The following AFF1 variants were observed in gnomAD, a reference collection of about 807,000 sequenced individuals.
AFF1 encodes the protein AF4/FMR2 family member 1.
Under a neutral mutation model 121.7 loss-of-function variants are expected in AFF1, and 48 were observed. That is an observed-to-expected ratio of 0.39 (90% CI 0.31 to 0.50). AFF1 has a LOEUF of 0.50. Among genes scored for constraint, AFF1 ranks in the 20% least tolerant of loss-of-function variants. AFF1 has a pLI of 0.76. For missense variants in AFF1, 1,523 were observed against 1,511.7 expected (o/e 1.01, Z -0.12); for synonymous variants, 613 against 563.0 (o/e 1.09, Z -1.26).
intron 12 of AFF1, among the ~76,000 whole-genome samples, chr4:87,122,881 T>TA (rs3036188): frequency 0.031 from 2,989 of 96,616 alleles, 79 homozygotes; most frequent in Middle Eastern, 0.058. Context: ...GGAAAATTAG[T>TA]AAAAAAAAAA....
At chr4:86,943,682 G>A (rs924898063) in intron 1 of AFF1, among the ~76,000 whole-genome samples, 7 of 151,814 alleles carry the variant, frequency 4.6e-5, no homozygotes, top group African/African-American at 1.5e-4. Flanking sequence ...AAAATTAGCC[G>A]GGTGCAGTGG....
chr4:87,061,298 A>G (rs915846520), intron 4 of AFF1, among the ~76,000 whole-genome samples: 10 of 152,318 alleles, frequency 6.6e-5, no homozygotes, highest in Admixed American at 6.5e-4. Flanking sequence ...GCCTCATTCC[A>G]TGGCCCCTCC....
rs778627387 is a variant in AFF1 at position 86,948,569 on chromosome 4, C to T, written c.36C>T (p.Asn12=). The T allele has an allele frequency of 6.5e-7, 1 of 1,536,480 alleles. No homozygotes were observed. The highest frequency in any genetic ancestry group is 1.2e-5 in the South Asian group (1 of 84,028). The change falls in exon 2 of 21, where the codon AAC becomes AAT. Residue 12 remains asparagine, a splice_region_variant and synonymous_variant. Transcript: ENST00000395146. ...CAGAAAGAGTCAACAGCAGTGGCAA[C>T]AGGTAAGCATAGAATCTATGATTCA... is the stretch of plus-strand genomic sequence containing the variant. ...AFTERVNSSG[N]SLYNDDRNLL... is the part of the protein sequence containing the mutation.
chr4:87,127,401 G>T (rs1360632896), intron 15 of AFF1, among the ~76,000 whole-genome samples: 1 of 152,112 alleles, frequency 6.6e-6, no homozygotes, highest in South Asian at 2.1e-4. Context: ...GACCTCAAAT[G>T]ATCCGCCTGC....
intron 5 of AFF1, among the ~76,000 whole-genome samples, chr4:87,085,935 C>T (rs562391353): frequency 6.6e-6 from 1 of 152,020 alleles, no homozygotes; most frequent in Non-Finnish European, 1.5e-5. Flanking sequence ...GACGGTGTTT[C>T]ACCATCTTGG....
intron 2 of AFF1, among the ~76,000 whole-genome samples, chr4:87,035,181 G>T (rs186730414): frequency 6.6e-6 from 1 of 152,276 alleles, no homozygotes; most frequent in Admixed American, 6.5e-5. Context: ...CCTGCTCCTT[G>T]TGCTTGAAGG....
At chr4:87,021,902 G>A (rs1292954537) in intron 2 of AFF1, among the ~76,000 whole-genome samples, 2 of 152,144 alleles carry the variant, frequency 1.3e-5, no homozygotes, top group African/African-American at 4.8e-5. Flanking sequence ...ACATCTTTAT[G>A]CTTAGAAATG....
chr4:86,938,725 C>T (rs1421475911), intron 1 of AFF1, among the ~76,000 whole-genome samples: 1 of 152,170 alleles, frequency 6.6e-6, no homozygotes, highest in Non-Finnish European at 1.5e-5. Flanking sequence ...AAATATGTGG[C>T]TCTTTGTAGG....
chr4:87,068,715 A>G (rs1323308722), intron 4 of AFF1, among the ~76,000 whole-genome samples: 1 of 152,166 alleles, frequency 6.6e-6, no homozygotes, highest in Admixed American at 6.5e-5. Context: ...CATTTTTAGG[A>G]GCAGAGCCAG....
intron 2 of AFF1, among the ~76,000 whole-genome samples, chr4:87,043,821 CTTTCT>C (rs1427028725): frequency 1.8e-3 from 188 of 105,602 alleles, no homozygotes; most frequent in Non-Finnish European, 1.6e-3. Flanking sequence ...TTCTTTCTTT[CTTTCT>C]TTTTTTTTTT....
chr4:87,060,737 G>A (rs1191908885), intron 4 of AFF1, among the ~76,000 whole-genome samples: 1 of 151,000 alleles, frequency 6.6e-6, no homozygotes, highest in African/African-American at 2.4e-5. Context: ...TTCTGGGGAG[G>A]CTGAGACAGG....
intron 2 of AFF1, 121 bp downstream of exon 2, chr4:86,948,692 G>T: frequency 1.1e-6 from 1 of 928,446 alleles, no homozygotes; most frequent in Admixed American, 2.7e-5. Flanking sequence ...GCAAGAAAAT[G>T]TTTGAAATTT....
At chr4:87,124,230 CT>C (rs1472929029) in intron 12 of AFF1, among the ~76,000 whole-genome samples, 2 of 152,024 alleles carry the variant, frequency 1.3e-5, no homozygotes, top group Admixed American at 1.3e-4. Flanking sequence ...ATTCTTTTTT[CT>C]TTTTTTTAAC....
intron 8 of AFF1, among the ~76,000 whole-genome samples, chr4:87,099,497 C>G (rs1725205158): frequency 6.6e-6 from 1 of 152,196 alleles, no homozygotes; most frequent in South Asian, 2.1e-4. Context: ...CAACCTCCAC[C>G]TTCTGGGTTC....
chr4:87,042,324 A>G (rs928274360), intron 2 of AFF1, among the ~76,000 whole-genome samples: 1 of 152,248 alleles, frequency 6.6e-6, no homozygotes, highest in African/African-American at 2.4e-5. Context: ...CCAGAAAGCT[A>G]TTTAATGTGA....
chr4:87,002,014 A>C (rs1725763784), intron 2 of AFF1, among the ~76,000 whole-genome samples: 1 of 152,218 alleles, frequency 6.6e-6, no homozygotes, highest in African/African-American at 2.4e-5. Context: ...AGAATTGTTG[A>C]ATGACCATTG....
chr4:87,020,920 G>T (rs1230120113), intron 2 of AFF1: 1 of 807,526 alleles, frequency 1.2e-6, no homozygotes, highest in Non-Finnish European at 1.5e-6. Flanking sequence ...AAAAAGATGT[G>T]TATCTTTTAA....
chr4:86,948,717 A>G (rs1721045264), intron 2 of AFF1, 146 bp downstream of exon 2: 4 of 743,876 alleles, frequency 5.4e-6, no homozygotes, highest in East Asian at 2.8e-5. Flanking sequence ...TTTTCTCTAC[A>G]TGAAGTCAAA....
intron 1 of AFF1, among the ~76,000 whole-genome samples, chr4:86,945,646 A>G (rs1720807807): frequency 6.6e-6 from 1 of 151,840 alleles, no homozygotes; most frequent in South Asian, 2.1e-4. Flanking sequence ...GACTACAGGC[A>G]TGTGCCACCA....
Sources: allele counts gnomAD v4.1 joint callset (sites outside exome capture counted in the v4.1 genomes callset), GRCh38; gene constraint gnomAD v4.1.1; transcripts MANE v1.5; gene names NCBI Gene and HGNC (gene_info 2026-07-23, HGNC 2026-07-21).